The following MDGA2 variants were observed in gnomAD, a reference collection of about 807,000 sequenced individuals.
MDGA2 encodes the protein MAM domain-containing glycosylphosphatidylinositol anchor protein 2.
MDGA2 carries 40 observed loss-of-function variants against 117.8 expected under a neutral mutation model. That is an observed-to-expected ratio of 0.34 (90% CI 0.26 to 0.44). The LOEUF is 0.44. Ranked by LOEUF, MDGA2 falls within the 20% of genes least tolerant of loss-of-function variation. The pLI, the probability that MDGA2 is intolerant of heterozygous loss-of-function variation, is 1.00. For synonymous variants in MDGA2, 452 were observed against 439.0 expected (o/e 1.03, Z -0.37); for missense variants, 1,123 against 1,250.6 (o/e 0.90, Z 1.54).
At chr14:46,851,801 T>G (rs772940101) in intron 15 of MDGA2, among the ~76,000 whole-genome samples, 1 of 151,772 alleles carries the variant, frequency 6.6e-6, no homozygotes, top group Non-Finnish European at 1.5e-5. Flanking sequence ...TTAATTTATA[T>G]AGTAATATAT....
At chr14:46,900,841 T>C (rs1158150414) in intron 10 of MDGA2, among the ~76,000 whole-genome samples, 1 of 152,066 alleles carries the variant, frequency 6.6e-6, no homozygotes, top group African/African-American at 2.4e-5. Flanking sequence ...ATGGGTGAAC[T>C]CTGATTAAAC....
intron 2 of MDGA2, among the ~76,000 whole-genome samples, chr14:47,275,850 T>C (rs1390062575): frequency 1.3e-5 from 2 of 152,160 alleles, no homozygotes; most frequent in East Asian, 1.9e-4. Flanking sequence ...GCCTGCGTAA[T>C]GTAATGAGCC....
intron 1 of MDGA2, among the ~76,000 whole-genome samples, chr14:47,538,335 C>G (rs1181338564): frequency 1.3e-5 from 2 of 152,014 alleles, no homozygotes; most frequent in East Asian, 1.9e-4. Flanking sequence ...TTAGGAGAAT[C>G]TGGTCAGTGC....
chr14:46,871,495 T>A (rs912193008), intron 14 of MDGA2: 1 of 152,004 alleles, frequency 6.6e-6, no homozygotes. Flanking sequence ...ATGATTTTAA[T>A]AAGCACAAAT....
At chr14:47,008,796 T>G in intron 8 of MDGA2, among the ~76,000 whole-genome samples, 1 of 152,120 alleles carries the variant, frequency 6.6e-6, no homozygotes, top group African/African-American at 2.4e-5. Context: ...CTATCAGATC[T>G]CACACTCCAG....
At chr14:47,582,654 T>C (rs1216289503) in intron 1 of MDGA2, among the ~76,000 whole-genome samples, 4 of 151,916 alleles carry the variant, frequency 2.6e-5, no homozygotes, top group Non-Finnish European at 5.9e-5. Flanking sequence ...TCTTTTCCAT[T>C]GTTTAGCTTA....
chr14:47,250,271 AGAC>A (rs1887400955), intron 2 of MDGA2, among the ~76,000 whole-genome samples: 2 of 152,236 alleles, frequency 1.3e-5, no homozygotes, highest in African/African-American at 4.8e-5. Context: ...AACTTGGAAC[AGAC>A]CACATGATAC....
At chr14:47,174,068 T>G (rs1029045249) in intron 3 of MDGA2, among the ~76,000 whole-genome samples, 8 of 152,010 alleles carry the variant, frequency 5.3e-5, no homozygotes, top group African/African-American at 1.7e-4. Context: ...TACATAATGG[T>G]AAAGGGATCG....
intron 1 of MDGA2, among the ~76,000 whole-genome samples, chr14:47,517,698 G>C (rs1894783103): frequency 6.6e-6 from 1 of 152,096 alleles, no homozygotes; most frequent in Admixed American, 6.5e-5. Flanking sequence ...CCACATATTT[G>C]TGCATAAGGC....
intron 1 of MDGA2, among the ~76,000 whole-genome samples, chr14:47,402,332 C>CG (rs1555379802): frequency 8.0e-6 from 1 of 124,594 alleles, no homozygotes. Context: ...CCCCAGAAAC[C>CG]CCCGCCCCCC....
At position 47,206,837 on chromosome 14, in the gene MDGA2, G is replaced by A. The variant is rs139664204; in HGVS notation, c.595+11184C>T. Among the ~76,000 whole-genome samples the A allele has an allele frequency of 2.0e-5, 3 of 151,960 alleles. No individual in the cohort carries two copies. In the East Asian group the frequency reaches 5.8e-4, roughly 30 times the overall value. ...CCAGAAGTTCGAGGATGCAGTGAGA[G>A]CTATTATTGCACCACTGTACTCCAG... On this transcript the variant is annotated intron_variant, in intron 3 of 16. Transcript: ENST00000399232.
intron 1 of MDGA2, among the ~76,000 whole-genome samples, chr14:47,513,852 TCAA>T (rs1455720061): frequency 3.3e-5 from 5 of 152,150 alleles, no homozygotes; most frequent in African/African-American, 1.2e-4. Flanking sequence ...ATGAATCAAT[TCAA>T]CAACATTTAT....
chr14:47,144,805 T>G (rs940651289), intron 3 of MDGA2, among the ~76,000 whole-genome samples: 1 of 149,408 alleles, frequency 6.7e-6, no homozygotes, highest in Non-Finnish European at 1.5e-5. Flanking sequence ...TGTGCTACCA[T>G]GCCCGGCTAA....
intron 14 of MDGA2, among the ~76,000 whole-genome samples, chr14:46,872,415 G>A (rs1167114609): frequency 6.6e-6 from 1 of 151,776 alleles, no homozygotes; most frequent in African/African-American, 2.4e-5. Flanking sequence ...CCAGAGAAAT[G>A]TTCTTGTTTG....
intron 1 of MDGA2, among the ~76,000 whole-genome samples, chr14:47,390,195 C>T (rs113313687): frequency 1.3e-5 from 2 of 152,186 alleles, no homozygotes; most frequent in African/African-American, 4.8e-5. Flanking sequence ...CTTTCTCTGT[C>T]CTTTTCTTAA....
intron 1 of MDGA2, among the ~76,000 whole-genome samples, chr14:47,477,332 G>T (rs569533770): frequency 2.0e-5 from 3 of 152,094 alleles, no homozygotes; most frequent in Non-Finnish European, 4.4e-5. Context: ...CAAGATGTTA[G>T]AAAACATGTA....
intron 1 of MDGA2, among the ~76,000 whole-genome samples, chr14:47,647,919 G>A (rs1158531065): frequency 1.3e-5 from 2 of 151,994 alleles, no homozygotes; most frequent in African/African-American, 4.8e-5. Flanking sequence ...CAAATACACT[G>A]ATTTGATCTT....
intron 1 of MDGA2, among the ~76,000 whole-genome samples, chr14:47,493,658 T>C (rs1894219848): frequency 6.6e-6 from 1 of 152,104 alleles, no homozygotes; most frequent in Admixed American, 6.6e-5. Flanking sequence ...GTTTGAATAA[T>C]ATTATTTCCC....
At chr14:47,173,864 A>G (rs568362070) in intron 3 of MDGA2, among the ~76,000 whole-genome samples, 2 of 152,174 alleles carry the variant, frequency 1.3e-5, no homozygotes, top group South Asian at 2.1e-4. Context: ...CAAATTGGAT[A>G]GAGTCAAGAC....
Sources: gnomAD v4.1 joint callset for allele counts (sites outside exome capture counted in the v4.1 genomes callset) on GRCh38, gnomAD v4.1.1 for gene constraint, MANE v1.5 for transcripts, NCBI Gene and HGNC (gene_info 2026-07-23, HGNC 2026-07-21) for gene names.